The following HMGB1 variants were observed in gnomAD, a reference collection of about 807,000 sequenced individuals.
The protein encoded by HMGB1 is high mobility group box 1, also known as high mobility group protein B1.
For missense variants in HMGB1, 79 were observed against 253.5 expected (o/e 0.31, Z 4.67); for synonymous variants, 81 against 84.0 (o/e 0.96, Z 0.19).
At chr13:30,507,922 C>G (rs79363366) in intron 1 of HMGB1, among the ~76,000 whole-genome samples, 74 of 151,964 alleles carry the variant, frequency 4.9e-4, no homozygotes, top group Admixed American at 4.9e-3. Flanking sequence ...GCTTGAGCCC[C>G]GGGATTCAAG....
intron 1 of HMGB1, chr13:30,554,072 G>A: frequency 7.4e-7 from 1 of 1,344,120 alleles, no homozygotes; most frequent in Admixed American, 1.7e-5. Context: ...ACCAAAAGAT[G>A]CTGTTTAAAG....
At chr13:30,588,326 A>G (rs944358078) in intron 1 of HMGB1, among the ~76,000 whole-genome samples, 1 of 152,226 alleles carries the variant, frequency 6.6e-6, no homozygotes, top group African/African-American at 2.4e-5. Flanking sequence ...TAAAATAATC[A>G]GGAAAAACTT....
chr13:30,584,298 C>T (rs1871047458), intron 1 of HMGB1, among the ~76,000 whole-genome samples: 2 of 152,162 alleles, frequency 1.3e-5, no homozygotes, highest in Non-Finnish European at 2.9e-5. Context: ...AGAACATGTG[C>T]ACTTTTTCTT....
chr13:30,473,001 C>T lies in HMGB1; in HGVS notation c.-14-9307G>A, dbSNP rs74046039. 8.2e-3 allele frequency among the ~76,000 whole-genome samples: 1,244 copies of T among 152,202 alleles called. 11 individuals are homozygous for T. The highest frequency in any genetic ancestry group is 0.028 in the African/African-American group (1,164 of 41,524). ...CTATGCACGGACCTCTCATAGTCAC[C>T]GAGGTCTATGCTCAGTTTCCTCAAC... is the stretch of plus-strand genomic sequence containing the variant. On this transcript the variant is annotated intron_variant, in intron 1 of 4. Coordinates refer to the HMGB1 transcript ENST00000405805.
At chr13:30,609,411 A>G (rs1566039780) in intron 1 of HMGB1, among the ~76,000 whole-genome samples, 1 of 152,222 alleles carries the variant, frequency 6.6e-6, no homozygotes, top group Non-Finnish European at 1.5e-5. Flanking sequence ...AGTTTTAACA[A>G]GTTCCCAATA....
At chr13:30,553,711 C>T in intron 1 of HMGB1, 2 of 1,062,300 alleles carry the variant, frequency 1.9e-6, no homozygotes, top group South Asian at 1.3e-5. Context: ...GAGTTGGATG[C>T]TCAGCATCGC....
intron 1 of HMGB1, among the ~76,000 whole-genome samples, chr13:30,527,793 C>T (rs1005395318): frequency 2.6e-5 from 4 of 152,034 alleles, no homozygotes; most frequent in African/African-American, 9.7e-5. Context: ...AATAACCTTC[C>T]CAAGGTCATA....
chr13:30,466,301 C>CT (rs1011604903), upstream of HMGB1, among the ~76,000 whole-genome samples: 1 of 151,702 alleles, frequency 6.6e-6, no homozygotes, highest in African/African-American at 2.4e-5. Context: ...AGGTCTCCCC[C>CT]CCCCTTCTTG....
At chr13:30,462,471 A>C (rs755433870) in intron 4 of HMGB1, 67 bp downstream of exon 4, 8 of 1,311,950 alleles carry the variant, frequency 6.1e-6, no homozygotes, top group Non-Finnish European at 3.3e-6. Context: ...ATTACACCTC[A>C]AACTAAGTAC....
rs1029116204 is a variant in HMGB1 at position 30,458,116 on chromosome 13, A to G, written c.*3241T>C. The G allele has an allele frequency of 2.6e-5, 4 of 152,180 alleles. No individual in the cohort carries two copies. The highest frequency in any genetic ancestry group is 6.5e-5 in the Admixed American group (1 of 15,276). The allele number at this position is 152,180 out of a possible 1,614,324, so 9.4% of individuals were successfully genotyped here. A position where few individuals can be genotyped will look rare whatever the true frequency, so the allele number is the denominator to read the frequency against. ...TGTGCAAATTTGCAGATACCTTACC[A>G]TCACATGCAAGTGTCTTACTGCTAC... On this transcript the variant is annotated 3_prime_UTR_variant, in exon 5 of 5. Coordinates refer to ENST00000341423, the MANE Select transcript of HMGB1 (RefSeq NM_002128.7).
intron 1 of HMGB1, among the ~76,000 whole-genome samples, chr13:30,607,074 G>A (rs975758678): frequency 2.0e-5 from 3 of 152,120 alleles, no homozygotes; most frequent in Admixed American, 1.3e-4. Context: ...TACAGTGATG[G>A]TTTTTAGGCT....
chr13:30,539,453 C>T, intron 1 of HMGB1: 1 of 209,576 alleles, frequency 4.8e-6, no homozygotes, highest in Non-Finnish European at 1.0e-5. Context: ...GGCTGTCCTT[C>T]ACTGACTGTC....
At chr13:30,475,830 T>C (rs371808782) in intron 1 of HMGB1, among the ~76,000 whole-genome samples, 21 of 152,178 alleles carry the variant, frequency 1.4e-4, no homozygotes, top group African/African-American at 5.1e-4. Flanking sequence ...GGGAGGATGG[T>C]TGGAATGAAG....
intron 1 of HMGB1, among the ~76,000 whole-genome samples, chr13:30,531,735 A>G (rs1414135068): frequency 6.6e-6 from 1 of 151,608 alleles, no homozygotes; most frequent in African/African-American, 2.4e-5. Context: ...CTCTACTACT[A>G]AAAATACAAA....
chr13:30,573,650 C>CTTT (rs774433276), intron 1 of HMGB1, among the ~76,000 whole-genome samples: 48 of 132,434 alleles, frequency 3.6e-4, no homozygotes, highest in African/African-American at 1.3e-3. Context: ...CTAGCATTTT[C>CTTT]TTTTTTTTTT....
chr13:30,548,832 A>T (rs1458418665), intron 1 of HMGB1, among the ~76,000 whole-genome samples: 2 of 152,202 alleles, frequency 1.3e-5, no homozygotes, highest in African/African-American at 4.8e-5. Flanking sequence ...CTAAGACCAA[A>T]TGAACCACGC....
At chr13:30,495,486 T>C (rs1218771109) in intron 1 of HMGB1, among the ~76,000 whole-genome samples, 1 of 151,194 alleles carries the variant, frequency 6.6e-6, no homozygotes, top group African/African-American at 2.4e-5. Context: ...TTTTCTTTTT[T>C]TTTTTTTTTG....
At chr13:30,465,630 G>A (rs1886738645) in intron 1 of HMGB1, among the ~76,000 whole-genome samples, 166 bp downstream of exon 1, 1 of 151,018 alleles carries the variant, frequency 6.6e-6, no homozygotes. Context: ...CGTTCCCGGC[G>A]CCCGGGCAGA....
At chr13:30,583,839 A>AAAAAAGAAAGAAAGAAAG (rs1555242864) in intron 1 of HMGB1, among the ~76,000 whole-genome samples, 8 of 137,716 alleles carry the variant, frequency 5.8e-5, no homozygotes, top group African/African-American at 2.0e-4. Context: ...AAAAAAAAAA[A>AAAAAAGAAAGAAAGAAAG]AAAGAAAGAA....
Sources: allele counts gnomAD v4.1 joint callset (sites outside exome capture counted in the v4.1 genomes callset), GRCh38; gene constraint gnomAD v4.1.1; transcripts MANE v1.5; gene names NCBI Gene and HGNC (gene_info 2026-07-23, HGNC 2026-07-21).